LYRM4: variants seen among roughly 807,000 people sequenced by gnomAD.
LYRM4 encodes LYR motif containing 4.
A neutral mutation model predicts 11.7 loss-of-function variants in LYRM4; 9 were observed. The ratio of observed to expected loss-of-function variants is 0.77; its 90% CI spans 0.46 to 1.34. The LOEUF (loss-of-function observed/expected upper bound fraction) is 1.34, where lower values mean the gene tolerates loss of function less well. Among genes scored for constraint, LYRM4 ranks in the 40% most tolerant of loss-of-function variants. The pLI is 0.00. For missense variants in LYRM4, 133 were observed against 112.5 expected, an observed-to-expected ratio of 1.18 and a Z score of -0.82; for synonymous variants, 42 against 40.4, an observed-to-expected ratio of 1.04 and a Z score of -0.15.
At chr6:5,256,200 T>C (rs956999515) in intron 1 of LYRM4, among the ~76,000 whole-genome samples, 1 of 151,956 alleles carries the variant, frequency 6.6e-6, no homozygotes, top group African/African-American at 2.4e-5. Context: ...TTTAAGAATG[T>C]GGTTCTTGGC....
intron 1 of LYRM4, among the ~76,000 whole-genome samples, chr6:5,231,004 C>A (rs34512910): frequency 6.6e-6 from 1 of 152,052 alleles, no homozygotes; most frequent in South Asian, 2.1e-4. Flanking sequence ...AGGCCAGGTG[C>A]GGTGGCTCAC....
chr6:5,239,463 A>C (rs756598630), intron 1 of LYRM4, among the ~76,000 whole-genome samples: 16 of 152,026 alleles, frequency 1.1e-4, no homozygotes, highest in Admixed American at 2.0e-4. Flanking sequence ...TAGAGCACAC[A>C]AGGTTGGAGC....
chr6:5,073,648 GC>G, the LYRM4 span, among the ~76,000 whole-genome samples: 1 of 150,684 alleles, frequency 6.6e-6, no homozygotes, highest in Admixed American at 6.6e-5. Flanking sequence ...ATGCCAACAA[GC>G]ACAGAAATCT....
the LYRM4 span, among the ~76,000 whole-genome samples, chr6:5,065,282 T>A: frequency 3.3e-5 from 5 of 152,190 alleles, no homozygotes; most frequent in Non-Finnish European, 5.9e-5. Context: ...GACATCTTCG[T>A]TGCTTCCAAG....
the LYRM4 span, among the ~76,000 whole-genome samples, chr6:5,075,894 A>C: frequency 7.2e-5 from 11 of 152,088 alleles, no homozygotes; most frequent in Non-Finnish European, 1.5e-4. Context: ...CTCCCACTTC[A>C]TACACCTTAG....
intron 2 of LYRM4, among the ~76,000 whole-genome samples, chr6:5,125,786 G>A (rs994722655): frequency 6.6e-6 from 1 of 152,222 alleles, no homozygotes; most frequent in Non-Finnish European, 1.5e-5. Flanking sequence ...AGCTCAGTGA[G>A]AAAAGCTCTG....
chr6:5,074,610 T>C, the LYRM4 span, among the ~76,000 whole-genome samples: 1 of 150,274 alleles, frequency 6.7e-6, no homozygotes, highest in Non-Finnish European at 1.5e-5. Context: ...AAGTGAGGAG[T>C]TGCTTTTCTT....
At chr6:5,147,603 T>A (rs1276088217) in intron 2 of LYRM4, among the ~76,000 whole-genome samples, 2 of 152,246 alleles carry the variant, frequency 1.3e-5, no homozygotes, top group Non-Finnish European at 2.9e-5. Context: ...TATGCTCATG[T>A]GACTACCTGT....
intron 2 of LYRM4, among the ~76,000 whole-genome samples, chr6:5,183,769 T>G (rs781514974): frequency 1.4e-4 from 21 of 152,196 alleles, no homozygotes; most frequent in Non-Finnish European, 2.6e-4. Flanking sequence ...GACAACTAAA[T>G]AAGAAGGCAA....
chr6:5,090,241 T>C, the LYRM4 span, among the ~76,000 whole-genome samples: 64 of 152,344 alleles, frequency 4.2e-4, no homozygotes, highest in Non-Finnish European at 7.4e-4. This position sits in a 1 kb window ranked among gnomAD's most constrained non-coding sequence, Gnocchi z 4.8. Context: ...TCTAGTTTCT[T>C]CCTTATTGGC....
chr6:5,098,981 A>AC (rs1329655923), downstream of LYRM4, among the ~76,000 whole-genome samples: 2 of 151,522 alleles, frequency 1.3e-5, no homozygotes, highest in Non-Finnish European at 2.9e-5. Context: ...CTCCACCAAC[A>AC]CCCCCAGTGC....
At chr6:5,251,364 C>T (rs1479852020) in intron 1 of LYRM4, among the ~76,000 whole-genome samples, 1 of 152,112 alleles carries the variant, frequency 6.6e-6, no homozygotes, top group Non-Finnish European at 1.5e-5. Context: ...CATTGACTGG[C>T]TAATTTATGA....
At chr6:5,100,623 A>G (rs1414842287), downstream of LYRM4, among the ~76,000 whole-genome samples, 1 of 152,148 alleles carries the variant, frequency 6.6e-6, no homozygotes, top group East Asian at 1.9e-4. Flanking sequence ...AAGAACCCCC[A>G]ACTCCTGTTG....
intron 2 of LYRM4, chr6:5,136,998 C>T: frequency 3.5e-6 from 1 of 287,830 alleles, no homozygotes; most frequent in Non-Finnish European, 5.2e-6. Context: ...TTCAAATGTC[C>T]CATCCTCTCT....
intron 2 of LYRM4, among the ~76,000 whole-genome samples, chr6:5,140,381 A>C (rs1211368288): frequency 6.6e-6 from 1 of 152,226 alleles, no homozygotes; most frequent in Non-Finnish European, 1.5e-5. Context: ...AATACTTAAA[A>C]AAAAATAAAG....
At chr6:5,119,934 T>G (rs1763345733) in intron 2 of LYRM4, among the ~76,000 whole-genome samples, 1 of 151,692 alleles carries the variant, frequency 6.6e-6, no homozygotes, top group Non-Finnish European at 1.5e-5. Flanking sequence ...AGAGTCTCGC[T>G]CTGTCATCCA....
intron 2 of LYRM4, among the ~76,000 whole-genome samples, chr6:5,141,412 C>G (rs73361401): frequency 0.099 from 15,078 of 152,218 alleles, 796 homozygotes; most frequent in Middle Eastern, 0.16. Flanking sequence ...AAAAGCCACT[C>G]AAGCTTCTAT....
At chr6:5,084,374 G>A in the LYRM4 span, among the ~76,000 whole-genome samples, 3 of 152,290 alleles carry the variant, frequency 2.0e-5, no homozygotes, top group South Asian at 6.2e-4. Flanking sequence ...GCAGTCCGGC[G>A]CGGGCCACGC....
At chr6:5,208,461 G>C (rs1182116396) in intron 2 of LYRM4, among the ~76,000 whole-genome samples, 1 of 152,222 alleles carries the variant, frequency 6.6e-6, no homozygotes, top group Non-Finnish European at 1.5e-5. Flanking sequence ...ATTCCCAAAT[G>C]AAACTCTTGC....
Sources: gnomAD v4.1 joint callset for allele counts (sites outside exome capture counted in the v4.1 genomes callset) on GRCh38, gnomAD v4.1.1 for gene constraint, Gnocchi (gnomAD v3.1) non-coding constraint, MANE v1.5 for transcripts, NCBI Gene and HGNC (gene_info 2026-07-23, HGNC 2026-07-21) for gene names.